WWOX: variants seen among roughly 807,000 people sequenced by gnomAD.
WWOX encodes WW domain-containing oxidoreductase.
A neutral mutation model predicts 46.2 loss-of-function variants in WWOX; 69 were observed. The ratio of observed to expected loss-of-function variants is 1.49; its 90% CI spans 1.23 to 1.82. The LOEUF (loss-of-function observed/expected upper bound fraction) is 1.82, where lower values mean the gene tolerates loss of function less well. Ranked by LOEUF, WWOX falls within the 40% of genes most tolerant of loss-of-function variation. The probability of loss-of-function intolerance (pLI) is 0.00; values close to 1 mark genes in which losing one functional copy is unlikely to be tolerated. For missense variants in WWOX, 919 were observed against 542.6 expected (o/e 1.69, Z -6.89); for synonymous variants, 359 against 202.6 (o/e 1.77, Z -6.56).
intron 6 of WWOX, among the ~76,000 whole-genome samples, chr16:78,411,018 A>G (rs754781202): frequency 6.6e-5 from 10 of 152,142 alleles, no homozygotes; most frequent in Non-Finnish European, 1.0e-4. Context: ...CACAGCAGTT[A>G]GCTTCCATTG....
At chr16:79,155,556 C>G (rs11859414) in intron 8 of WWOX, among the ~76,000 whole-genome samples, 23,488 of 152,024 alleles carry the variant, frequency 0.15, 2,634 homozygotes, top group African/African-American at 0.31. Flanking sequence ...GGAAAAACTA[C>G]ATGGTTGGCT....
chr16:79,195,650 G>A (rs1401291163), intron 8 of WWOX, among the ~76,000 whole-genome samples: 1 of 152,216 alleles, frequency 6.6e-6, no homozygotes, highest in East Asian at 1.9e-4. Context: ...AAAGGGAGAA[G>A]GTAAAGCTAC....
rs77343983 is a variant in WWOX, at chr16:78,217,745, G to A, written c.516+53456G>A. 6.0e-3 allele frequency among the ~76,000 whole-genome samples: 913 copies of A among 152,254 alleles called. 9 individuals are homozygous for A. The highest frequency in any genetic ancestry group is 0.02 in the African/African-American group (849 of 41,540). On this transcript the variant is annotated intron_variant, in intron 5 of 8. Coordinates refer to ENST00000566780, the MANE Select transcript of WWOX (RefSeq NM_016373.4). Reference sequence around the variant, plus strand: ...GCAGACAGTTTCTTCACTTACCGGGGAAGGGGGTGTAATATATGGGGGTAT... The same window carrying A: ...GCAGACAGTTTCTTCACTTACCGGGAAAGGGGGTGTAATATATGGGGGTAT...
intron 8 of WWOX, among the ~76,000 whole-genome samples, chr16:78,988,510 G>A (rs939929676): frequency 2.0e-5 from 3 of 152,066 alleles, no homozygotes; most frequent in Admixed American, 6.6e-5. Context: ...CTTTGGTTGA[G>A]GAATTCAGCC....
intron 8 of WWOX, among the ~76,000 whole-genome samples, chr16:78,596,979 C>G (rs1476740939): frequency 6.6e-6 from 1 of 152,150 alleles, no homozygotes; most frequent in African/African-American, 2.4e-5. Flanking sequence ...TATGCAGATG[C>G]AGTTTAAAGA....
chr16:79,208,631 A>AT (rs57795116), intron 8 of WWOX, among the ~76,000 whole-genome samples: 24,574 of 151,090 alleles, frequency 0.16, 3,168 homozygotes, highest in African/African-American at 0.36. Context: ...TGCTCTTTAA[A>AT]TTTTTTTTTT....
rs892858760 is a variant in WWOX, at chr16:79,028,703, T to C, written c.1057-182905T>C. Among the ~76,000 whole-genome samples the C allele has an allele frequency of 3.3e-5, 5 of 151,948 alleles. No individual in the cohort carries two copies. In the East Asian group the frequency reaches 9.6e-4, roughly 29 times the overall value. The stretch of plus-strand genomic sequence containing the variant: ...ACATAAGCCCCCATGGAAAGCAAAT[T>C]GAATAAATTTACTCTCTAAACTTCT... On this transcript the variant is annotated intron_variant, in intron 8 of 8. Transcript: ENST00000566780.
chr16:78,533,059 G>C (rs1437405232), intron 8 of WWOX, among the ~76,000 whole-genome samples: 1 of 152,136 alleles, frequency 6.6e-6, no homozygotes, highest in East Asian at 1.9e-4. Flanking sequence ...GAGGGTGGGA[G>C]CCAGACAGAT....
At chr16:78,853,353 C>A (rs1391980604) in intron 8 of WWOX, among the ~76,000 whole-genome samples, 2 of 152,152 alleles carry the variant, frequency 1.3e-5, no homozygotes, top group African/African-American at 2.4e-5. Context: ...GCTGGGATTA[C>A]AGGCGCATGC....
chr16:79,017,738 C>G (rs16949225), intron 8 of WWOX, among the ~76,000 whole-genome samples: 6,342 of 151,612 alleles, frequency 0.042, 427 homozygotes, highest in African/African-American at 0.14. Context: ...TCTAAAAAAG[C>G]CATGGGTTAT....
At chr16:78,995,800 C>T (rs1166769400) in intron 8 of WWOX, among the ~76,000 whole-genome samples, 1 of 152,084 alleles carries the variant, frequency 6.6e-6, no homozygotes, top group Non-Finnish European at 1.5e-5. Context: ...TTGAAAGGGG[C>T]ATCATTGCAA....
At chr16:78,480,685 C>T (rs1299543010) in intron 8 of WWOX, among the ~76,000 whole-genome samples, 1 of 152,230 alleles carries the variant, frequency 6.6e-6, no homozygotes, top group African/African-American at 2.4e-5. Flanking sequence ...CCTCTCCAGT[C>T]CTCTGATGGT....
chr16:78,166,071 G>A (rs1482633704), intron 5 of WWOX, among the ~76,000 whole-genome samples: 4 of 152,066 alleles, frequency 2.6e-5, no homozygotes, highest in African/African-American at 9.7e-5. Context: ...TGTGAAAGTC[G>A]TTCTTGGTCC....
chr16:78,830,145 A>G (rs2051776511), intron 8 of WWOX, among the ~76,000 whole-genome samples: 1 of 152,216 alleles, frequency 6.6e-6, no homozygotes, highest in Non-Finnish European at 1.5e-5. Flanking sequence ...TACTTCTGCA[A>G]CAGCAGCAGC....
At chr16:78,587,268 A>G (rs116017858) in intron 8 of WWOX, among the ~76,000 whole-genome samples, 3,548 of 149,016 alleles carry the variant, frequency 0.024, 96 homozygotes, top group East Asian at 0.11. Context: ...ACTGGGCTCA[A>G]GCAATCCTCC....
chr16:78,321,832 G>C (rs1002297064), intron 5 of WWOX, among the ~76,000 whole-genome samples: 1 of 152,156 alleles, frequency 6.6e-6, no homozygotes, highest in Admixed American at 6.5e-5. Context: ...GCGACGCTTG[G>C]AGGCTGGGGA....
Position 78,476,050 on chromosome 16 carries a change from C to G in WWOX, c.1056+43298C>G, listed in dbSNP as rs189461563. The stretch of plus-strand genomic sequence containing the variant: ...ATGCTTCCTCTGTAAAATGATCACT[C>G]CCCAGTTTGACAGGAATTGCCCCTG... On this transcript the variant is annotated intron_variant, in intron 8 of 8. Transcript: ENST00000566780. Among the ~76,000 whole-genome samples, 11 of 152,284 alleles carry G rather than the reference C, an allele frequency of 7.2e-5. No homozygotes were observed. In the East Asian group the frequency reaches 1.9e-3, roughly 27 times the overall value.
At chr16:78,790,054 C>G (rs189177913) in intron 8 of WWOX, among the ~76,000 whole-genome samples, 39 of 152,270 alleles carry the variant, frequency 2.6e-4, no homozygotes, top group African/African-American at 8.7e-4. Context: ...ATGTAAGGCT[C>G]TTAGTATAAC....
chr16:78,236,776 A>G (rs1380988185), intron 5 of WWOX, among the ~76,000 whole-genome samples: 1 of 152,088 alleles, frequency 6.6e-6, no homozygotes, highest in African/African-American at 2.4e-5. Flanking sequence ...TCCCATGATG[A>G]TAATATCTGT....
Sources: gnomAD v4.1 joint callset for allele counts (sites outside exome capture counted in the v4.1 genomes callset) on GRCh38, gnomAD v4.1.1 for gene constraint, MANE v1.5 for transcripts, NCBI Gene and HGNC (gene_info 2026-07-23, HGNC 2026-07-21) for gene names.